DPYD: variants seen among roughly 807,000 people sequenced by gnomAD.
DPYD encodes dihydropyrimidine dehydrogenase.
DPYD carries 109 observed loss-of-function variants against 116.2 expected under a neutral mutation model. The ratio of observed to expected loss-of-function variants is 0.94; its 90% CI spans 0.80 to 1.10. The LOEUF (loss-of-function observed/expected upper bound fraction) is 1.10. DPYD is among the 50% of genes least tolerant of loss of function. DPYD has a pLI of 0.00. For synonymous variants in DPYD, 440 were observed against 432.0 expected (o/e 1.02, Z -0.23); for missense variants, 1,302 against 1,254.5 (o/e 1.04, Z -0.57).
chr1:97,151,500 C>T (rs1047861555), intron 20 of DPYD, among the ~76,000 whole-genome samples: 54 of 151,838 alleles, frequency 3.6e-4, no homozygotes, highest in Non-Finnish European at 4.4e-5. Context: ...ATGGTGAAAT[C>T]CCCGTCTCTA....
chr1:97,495,231 T>C (rs1557752175), intron 13 of DPYD, among the ~76,000 whole-genome samples: 1 of 152,068 alleles, frequency 6.6e-6, no homozygotes, highest in Admixed American at 6.6e-5. Flanking sequence ...GCCTTTCTCC[T>C]GCAGATAAGC....
At chr1:97,363,593 A>T (rs111720189) in intron 16 of DPYD, among the ~76,000 whole-genome samples, 3,602 of 152,304 alleles carry the variant, frequency 0.024, 133 homozygotes, top group African/African-American at 0.082. Context: ...AAAATGTGGC[A>T]CATATACACC....
chr1:97,799,946 T>C (rs1667767178), intron 3 of DPYD, among the ~76,000 whole-genome samples: 2 of 151,934 alleles, frequency 1.3e-5, no homozygotes, highest in African/African-American at 2.4e-5. Flanking sequence ...CCATTTCACT[T>C]GTTCAATTCC....
At position 97,078,877 on chromosome 1, in the gene DPYD, G is replaced by T. The variant is rs1648960939; in HGVS notation, c.*99C>A. 1.5e-6 allele frequency: 2 copies of T among 1,366,848 alleles called. No individual in the cohort carries two copies. Among genetic ancestry groups the T allele is most frequent in the Non-Finnish European group, 2.1e-6 (2 of 959,838 alleles). 84.7% of individuals were successfully genotyped at this position (1,366,848 alleles called of 1,614,324 possible). A position where few individuals can be genotyped will look rare whatever the true frequency, so the allele number is the denominator to read the frequency against. Reference sequence around the variant, plus strand: ...ATTTTTATTTAGAAAATGTATATTTGTTTTAATTTGGAAAGAGCTGAACAC... The same window carrying T: ...ATTTTTATTTAGAAAATGTATATTTTTTTTAATTTGGAAAGAGCTGAACAC... On this transcript the variant is annotated 3_prime_UTR_variant, in exon 23 of 23. Transcript: ENST00000370192.
At chr1:97,102,235 A>G (rs2101603946) in intron 20 of DPYD, among the ~76,000 whole-genome samples, 1 of 151,754 alleles carries the variant, frequency 6.6e-6, no homozygotes, top group East Asian at 1.9e-4. Flanking sequence ...TAATAGCACT[A>G]GTCTGTAGTA....
intron 5 of DPYD, among the ~76,000 whole-genome samples, chr1:97,701,819 T>G (rs926903743): frequency 1.3e-5 from 2 of 151,866 alleles, no homozygotes; most frequent in African/African-American, 4.8e-5. Flanking sequence ...ACTTTGTCAC[T>G]TTTACTGGTT....
chr1:97,443,491 A>G (rs970410498), intron 14 of DPYD, among the ~76,000 whole-genome samples: 1 of 152,178 alleles, frequency 6.6e-6, no homozygotes, highest in Non-Finnish European at 1.5e-5. Flanking sequence ...TTTAAAATAA[A>G]TCAGCATGGG....
chr1:97,669,784 G>T (rs1438678944), intron 8 of DPYD, among the ~76,000 whole-genome samples: 1 of 152,136 alleles, frequency 6.6e-6, no homozygotes. Flanking sequence ...ACTTTGGTAA[G>T]ATTGTTCTAG....
At chr1:97,310,440 C>A (rs1364263574) in intron 16 of DPYD, among the ~76,000 whole-genome samples, 1 of 151,818 alleles carries the variant, frequency 6.6e-6, no homozygotes, top group East Asian at 1.9e-4. Flanking sequence ...GCTTCTACTT[C>A]ACTTATTCCT....
intron 16 of DPYD, among the ~76,000 whole-genome samples, chr1:97,361,634 G>T (rs1174124221): frequency 6.6e-6 from 1 of 152,182 alleles, no homozygotes; most frequent in Non-Finnish European, 1.5e-5. Context: ...TCCCTGGCAT[G>T]CCAGCCTGGT....
chr1:97,725,241 T>A (rs979698495), intron 4 of DPYD, among the ~76,000 whole-genome samples: 3 of 151,626 alleles, frequency 2.0e-5, no homozygotes, highest in African/African-American at 7.3e-5. Context: ...CTATATGTAT[T>A]AAAAACTGTA....
chr1:97,555,601 T>G (rs1651636808), intron 11 of DPYD, among the ~76,000 whole-genome samples: 1 of 152,144 alleles, frequency 6.6e-6, no homozygotes, highest in Non-Finnish European at 1.5e-5. Context: ...TCCTTTCTCT[T>G]GCCCCCACTG....
At chr1:97,290,750 C>A (rs1570441183) in intron 18 of DPYD, among the ~76,000 whole-genome samples, 1 of 151,834 alleles carries the variant, frequency 6.6e-6, no homozygotes, top group Non-Finnish European at 1.5e-5. Context: ...AAAACCTAGG[C>A]ATTACCATTC....
At chr1:97,170,867 G>A (rs1656675247) in intron 20 of DPYD, among the ~76,000 whole-genome samples, 1 of 151,776 alleles carries the variant, frequency 6.6e-6, no homozygotes, top group African/African-American at 2.4e-5. Flanking sequence ...GTAGAGATGG[G>A]GTTTCACCAT....
intron 18 of DPYD, among the ~76,000 whole-genome samples, chr1:97,237,395 C>T (rs1381823192): frequency 1.3e-5 from 2 of 152,046 alleles, no homozygotes; most frequent in Non-Finnish European, 2.9e-5. Flanking sequence ...GCTCCCACAC[C>T]TCAAACATCT....
intron 21 of DPYD, among the ~76,000 whole-genome samples, chr1:97,084,110 C>T (rs1011300003): frequency 1.3e-5 from 2 of 152,056 alleles, no homozygotes; most frequent in African/African-American, 4.8e-5. Context: ...TTTCTCACTA[C>T]CTTATTCAAA....
At chr1:97,226,238 C>T (rs1203052474) in intron 19 of DPYD, among the ~76,000 whole-genome samples, 11 of 152,058 alleles carry the variant, frequency 7.2e-5, no homozygotes, top group Admixed American at 7.2e-4. Flanking sequence ...GAATGTACTT[C>T]AGTACAGTAA....
At chr1:97,726,241 T>C (rs960999292) in intron 4 of DPYD, among the ~76,000 whole-genome samples, 5 of 151,700 alleles carry the variant, frequency 3.3e-5, no homozygotes, top group African/African-American at 1.2e-4. Flanking sequence ...AGTGAGCCAA[T>C]GGTTCTTTCT....
chr1:97,710,807 A>C (rs1480906277), intron 5 of DPYD, among the ~76,000 whole-genome samples: 3 of 151,830 alleles, frequency 2.0e-5, no homozygotes, highest in Non-Finnish European at 4.4e-5. Context: ...CTATATTACT[A>C]TGTAGCCTGT....
Sources: allele counts gnomAD v4.1 joint callset (sites outside exome capture counted in the v4.1 genomes callset), GRCh38; gene constraint gnomAD v4.1.1; transcripts MANE v1.5; gene names NCBI Gene and HGNC (gene_info 2026-07-23, HGNC 2026-07-21).